Variants in DCDC1 observed in about 807,000 individuals in gnomAD.
DCDC1 encodes doublecortin domain-containing protein 1.
DCDC1 carries 200 observed loss-of-function variants against 178.3 expected under a neutral mutation model. That is an observed-to-expected ratio of 1.12 (90% CI 1.00 to 1.26). DCDC1 has a LOEUF of 1.26. Among genes scored for constraint, DCDC1 ranks in the 50% most tolerant of loss-of-function variants. The pLI, the probability that DCDC1 is intolerant of heterozygous loss-of-function variation, is 0.00. For synonymous variants in DCDC1, 690 were observed against 604.8 expected, an observed-to-expected ratio of 1.14 and a Z score of -2.07; for missense variants, 1,983 against 1,749.2, an observed-to-expected ratio of 1.13 and a Z score of -2.38.
intron 9 of DCDC1, among the ~76,000 whole-genome samples, chr11:31,213,204 G>A (rs569667946): frequency 7.2e-5 from 10 of 139,272 alleles, no homozygotes; most frequent in African/African-American, 1.9e-4. Context: ...CTCCAAGAAA[G>A]GCATGTGGCT....
chr11:30,960,956 T>C (rs1949059423), intron 20 of DCDC1, among the ~76,000 whole-genome samples: 1 of 152,130 alleles, frequency 6.6e-6, no homozygotes, highest in African/African-American at 2.4e-5. Context: ...TCCTCCCAGA[T>C]TTATTTGAAC....
chr11:31,155,523 T>G (rs886119913), intron 9 of DCDC1, among the ~76,000 whole-genome samples: 1 of 152,236 alleles, frequency 6.6e-6, no homozygotes, highest in Non-Finnish European at 1.5e-5. Context: ...TACAGAATTT[T>G]GCATCATCAA....
intron 20 of DCDC1, among the ~76,000 whole-genome samples, chr11:31,007,179 A>T (rs1422544213): frequency 6.6e-6 from 1 of 152,196 alleles, no homozygotes; most frequent in East Asian, 1.9e-4. Flanking sequence ...TAGGAAGAAT[A>T]AAAAAGCCAC....
intron 38 of DCDC1, among the ~76,000 whole-genome samples, chr11:30,866,811 C>G (rs1941021457): frequency 6.6e-6 from 1 of 152,060 alleles, no homozygotes; most frequent in African/African-American, 2.4e-5. Flanking sequence ...AAACTGACTC[C>G]CCAATGCAAC....
intron 7 of DCDC1, among the ~76,000 whole-genome samples, chr11:31,277,829 G>C (rs1374695857): frequency 1.3e-5 from 2 of 151,966 alleles, no homozygotes; most frequent in South Asian, 4.1e-4. Flanking sequence ...TGTTAAGTAC[G>C]TGTTTTCTGG....
intron 1 of DCDC1, among the ~76,000 whole-genome samples, chr11:31,340,233 A>C (rs556046269): frequency 5.9e-5 from 9 of 152,274 alleles, no homozygotes; most frequent in African/African-American, 2.2e-4. Context: ...ATATAAAAAA[A>C]AATTAGCAAG....
intron 11 of DCDC1, among the ~76,000 whole-genome samples, chr11:31,126,521 TATA>T (rs1365855010): frequency 6.6e-6 from 1 of 152,174 alleles, no homozygotes; most frequent in Non-Finnish European, 1.5e-5. Context: ...TGGTCAAAAA[TATA>T]ATGTTTCTAA....
chr11:31,039,907 T>C (rs1455212576), intron 20 of DCDC1, among the ~76,000 whole-genome samples: 1 of 152,124 alleles, frequency 6.6e-6, no homozygotes, highest in Non-Finnish European at 1.5e-5. Flanking sequence ...GAATAAGGAA[T>C]AAATTGATGT....
chr11:31,180,082 C>T (rs1009572855), intron 9 of DCDC1, among the ~76,000 whole-genome samples: 1 of 152,138 alleles, frequency 6.6e-6, no homozygotes, highest in African/African-American at 2.4e-5. Context: ...TTAAACATCC[C>T]TTCATGATAA....
At chr11:31,171,761 A>G (rs1242189056) in intron 9 of DCDC1, among the ~76,000 whole-genome samples, 1 of 152,234 alleles carries the variant, frequency 6.6e-6, no homozygotes, top group Admixed American at 6.5e-5. Flanking sequence ...AGCCTAATAT[A>G]TTGGCAAAGA....
intron 9 of DCDC1, among the ~76,000 whole-genome samples, chr11:31,197,687 G>C (rs111767318): frequency 0.018 from 2,792 of 152,088 alleles, 42 homozygotes; most frequent in Non-Finnish European, 0.029. Context: ...TTGAGTACTT[G>C]GACTATTTGG....
At chr11:31,322,701 T>C (rs1415626787) in intron 3 of DCDC1, among the ~76,000 whole-genome samples, 1 of 152,196 alleles carries the variant, frequency 6.6e-6, no homozygotes, top group Non-Finnish European at 1.5e-5. Flanking sequence ...GCCAATATTC[T>C]GAGGATGGCA....
At chr11:31,333,361 G>A (rs920164668) in intron 2 of DCDC1, among the ~76,000 whole-genome samples, 9 of 152,096 alleles carry the variant, frequency 5.9e-5, no homozygotes, top group African/African-American at 1.9e-4. Context: ...TGTAATTGGG[G>A]CATTTAGCCC....
chr11:31,213,327 G>C (rs151156866), intron 9 of DCDC1, among the ~76,000 whole-genome samples: 3 of 151,766 alleles, frequency 2.0e-5, no homozygotes, highest in African/African-American at 4.8e-5. Context: ...GTAGAGACTG[G>C]ATTTTAATTC....
chr11:31,107,693 C>A (rs1285316796), intron 12 of DCDC1, among the ~76,000 whole-genome samples: 1 of 152,162 alleles, frequency 6.6e-6, no homozygotes, highest in Admixed American at 6.5e-5. Flanking sequence ...GTAAATCTAA[C>A]AGAACTGTGC....
chr11:31,283,905 T>C (rs1946632302), intron 7 of DCDC1, among the ~76,000 whole-genome samples: 2 of 152,114 alleles, frequency 1.3e-5, no homozygotes, highest in Admixed American at 1.3e-4. Context: ...TGTCTTTCTC[T>C]TCAGTTTATG....
At chr11:30,983,243 CCAATGAACA>C (rs1269043310) in intron 20 of DCDC1, among the ~76,000 whole-genome samples, 1 of 152,110 alleles carries the variant, frequency 6.6e-6, no homozygotes, top group Non-Finnish European at 1.5e-5. Context: ...CAACATTTCC[CCAATGAACA>C]CATAATCAGA....
At chr11:31,052,392 C>G (rs371862405) in intron 20 of DCDC1, among the ~76,000 whole-genome samples, 3 of 152,114 alleles carry the variant, frequency 2.0e-5, no homozygotes, top group African/African-American at 7.2e-5. Context: ...TAGACCACAA[C>G]ACAATAATAG....
At chr11:30,965,843 T>C (rs1949402776) in intron 20 of DCDC1, among the ~76,000 whole-genome samples, 1 of 130,276 alleles carries the variant, frequency 7.7e-6, no homozygotes, top group Admixed American at 8.3e-5. Context: ...TGAGTGAGAA[T>C]ATGCGGTGTT....
Sources: gnomAD v4.1 joint callset for allele counts (sites outside exome capture counted in the v4.1 genomes callset) on GRCh38, gnomAD v4.1.1 for gene constraint, MANE v1.5 for transcripts, NCBI Gene and HGNC (gene_info 2026-07-23, HGNC 2026-07-21) for gene names.